HS3ST4: variants seen among roughly 807,000 people sequenced by gnomAD.
HS3ST4 encodes the protein heparan sulfate-glucosamine 3-sulfotransferase 4, also known as heparan sulfate glucosamine 3-O-sulfotransferase 4.
A neutral mutation model predicts 29.2 loss-of-function variants in HS3ST4; 17 were observed. The ratio of observed to expected loss-of-function variants is 0.58; its 90% CI spans 0.40 to 0.87. The LOEUF is 0.87. HS3ST4 is among the 40% of genes least tolerant of loss of function. The probability of loss-of-function intolerance (pLI) is 0.00; values close to 1 mark genes in which losing one functional copy is unlikely to be tolerated. For synonymous variants in HS3ST4, 314 were observed against 285.7 expected (o/e 1.10, Z -1.00); for missense variants, 627 against 634.5 (o/e 0.99, Z 0.13).
intron 1 of HS3ST4, among the ~76,000 whole-genome samples, chr16:26,028,526 C>T (rs998402058): frequency 1.3e-5 from 2 of 152,266 alleles, no homozygotes; most frequent in African/African-American, 2.4e-5. Flanking sequence ...GATCCTCCTG[C>T]GTCCCAAAGT....
intron 1 of HS3ST4, among the ~76,000 whole-genome samples, chr16:26,066,018 T>G (rs1380344054): frequency 6.6e-6 from 1 of 152,230 alleles, no homozygotes; most frequent in Non-Finnish European, 1.5e-5. Flanking sequence ...ATTATGTTAC[T>G]CAAAAGAGGT....
chr16:26,057,053 G>A (rs772598036), intron 1 of HS3ST4, among the ~76,000 whole-genome samples: 2 of 152,142 alleles, frequency 1.3e-5, no homozygotes, highest in African/African-American at 2.4e-5. Flanking sequence ...GTGTCAACAT[G>A]ATGCTCAAAG....
intron 1 of HS3ST4, among the ~76,000 whole-genome samples, chr16:25,821,416 C>G (rs1025547315): frequency 2.6e-5 from 4 of 152,020 alleles, no homozygotes; most frequent in African/African-American, 9.7e-5. Flanking sequence ...ATGTCCTTTG[C>G]CCATTTTTTC....
intron 1 of HS3ST4, among the ~76,000 whole-genome samples, chr16:26,049,291 G>T (rs987823598): frequency 1.3e-5 from 2 of 151,568 alleles, no homozygotes; most frequent in African/African-American, 4.9e-5. Flanking sequence ...GTGAAGGCAA[G>T]GTGAGGGGGG....
At chr16:25,801,117 G>T (rs530457660) in intron 1 of HS3ST4, among the ~76,000 whole-genome samples, 1 of 152,220 alleles carries the variant, frequency 6.6e-6, no homozygotes, top group African/African-American at 2.4e-5. Context: ...CAAGCTCCCA[G>T]GTAATGTTGA....
At chr16:25,694,738 A>C (rs931015569) in intron 1 of HS3ST4, among the ~76,000 whole-genome samples, 1 of 151,484 alleles carries the variant, frequency 6.6e-6, no homozygotes, top group African/African-American at 2.4e-5. Context: ...TCTTCTGTGG[A>C]GTAGCTTTGG....
intron 1 of HS3ST4, among the ~76,000 whole-genome samples, chr16:26,044,972 A>G (rs964023442): frequency 6.6e-6 from 1 of 152,142 alleles, no homozygotes; most frequent in African/African-American, 2.4e-5. Flanking sequence ...ACAAATCTCA[A>G]CGCTCTCCTG....
chr16:25,828,902 T>C (rs1967265078), intron 1 of HS3ST4, among the ~76,000 whole-genome samples: 2 of 152,226 alleles, frequency 1.3e-5, no homozygotes, highest in African/African-American at 4.8e-5. Context: ...TGGTGGATCA[T>C]ATGAAGAACA....
Position 25,920,469 on chromosome 16 carries a change from G to C in HS3ST4, c.735-215143G>C, listed in dbSNP as rs34265859. ...CATTCTTCAGAAGAATGAATACACT[G>C]GTCTCCTTGCTGTTTCTCAAACACT... On this transcript the variant is annotated intron_variant, in intron 1 of 1. Transcript: ENST00000331351. Among the ~76,000 whole-genome samples the C allele has an allele frequency of 6.7e-3, 1,012 of 151,972 alleles. 8 individuals are homozygous for C. Among genetic ancestry groups the C allele is most frequent in the Middle Eastern group, 0.014 (4 of 294 alleles).
intron 1 of HS3ST4, among the ~76,000 whole-genome samples, chr16:26,101,458 T>C (rs974068880): frequency 6.6e-6 from 1 of 152,196 alleles, no homozygotes; most frequent in Non-Finnish European, 1.5e-5. Flanking sequence ...TGTAGCTCCA[T>C]GAAGGCAGAG....
At position 25,768,122 on chromosome 16, in the gene HS3ST4, G is replaced by A. The variant is rs144233508; in HGVS notation, c.734+74971G>A. ...CCTGTGAACATCACATGTCTGGGGC[G>A]GAGCAAGATGCAGAGTTGGGTCATC... On this transcript the variant is annotated intron_variant, in intron 1 of 1. Transcript: ENST00000331351. 8.9e-3 allele frequency among the ~76,000 whole-genome samples: 1,356 copies of A among 152,206 alleles called. 13 individuals are homozygous for A. Among genetic ancestry groups the A allele is most frequent in the Admixed American group, 0.019 (288 of 15,288 alleles).
chr16:26,135,533 A>G, intron 1 of HS3ST4, 79 bp from the exon 2 acceptor site: 2 of 1,387,904 alleles, frequency 1.4e-6, no homozygotes, highest in Non-Finnish European at 1.9e-6. Flanking sequence ...GGTTGTTTAT[A>G]TCACACATTT....
chr16:26,046,690 G>T (rs984436154), intron 1 of HS3ST4, among the ~76,000 whole-genome samples: 1 of 151,994 alleles, frequency 6.6e-6, no homozygotes, highest in Admixed American at 6.6e-5. Flanking sequence ...TTCATGTAGA[G>T]AAATTTATAT....
chr16:26,119,473 C>T (rs1239226664), intron 1 of HS3ST4, among the ~76,000 whole-genome samples: 3 of 152,146 alleles, frequency 2.0e-5, no homozygotes, highest in Non-Finnish European at 4.4e-5. Context: ...ACAAGGAATC[C>T]GTGCTGATTC....
chr16:26,115,576 A>G (rs1899192350), intron 1 of HS3ST4, among the ~76,000 whole-genome samples: 1 of 152,110 alleles, frequency 6.6e-6, no homozygotes, highest in Admixed American at 6.6e-5. Context: ...GGACCTGGAA[A>G]AAGAAATATT....
intron 1 of HS3ST4, among the ~76,000 whole-genome samples, chr16:26,116,824 G>C (rs991649542): frequency 6.6e-6 from 1 of 152,110 alleles, no homozygotes; most frequent in Non-Finnish European, 1.5e-5. Context: ...TCCAAAATCT[G>C]AAACTTTTTA....
intron 1 of HS3ST4, among the ~76,000 whole-genome samples, chr16:25,808,578 T>C (rs941473903): frequency 6.6e-6 from 1 of 152,168 alleles, no homozygotes; most frequent in African/African-American, 2.4e-5. Flanking sequence ...TTTTTCAAGA[T>C]TGTTTTAAAC....
At chr16:25,823,827 G>A (rs947237610) in intron 1 of HS3ST4, among the ~76,000 whole-genome samples, 2 of 152,224 alleles carry the variant, frequency 1.3e-5, no homozygotes, top group Non-Finnish European at 2.9e-5. Flanking sequence ...GTCTCTCAAA[G>A]TCATGAGATT....
At chr16:25,706,122 G>T (rs989050568) in intron 1 of HS3ST4, among the ~76,000 whole-genome samples, 11 of 152,204 alleles carry the variant, frequency 7.2e-5, no homozygotes, top group African/African-American at 2.4e-4. Flanking sequence ...GACAATCTCA[G>T]ACTGTGTAAC....
Sources: allele counts gnomAD v4.1 joint callset (sites outside exome capture counted in the v4.1 genomes callset), GRCh38; gene constraint gnomAD v4.1.1; transcripts MANE v1.5; gene names NCBI Gene and HGNC (gene_info 2026-07-23, HGNC 2026-07-21).